GATAD2B: variants seen among roughly 807,000 people sequenced by gnomAD.
GATAD2B encodes GATA zinc finger domain containing 2B.
In GATAD2B, 8 loss-of-function variants were observed where a neutral mutation model predicts 64.3. The observed-to-expected ratio is 0.12, with a 90% confidence interval of 0.07 to 0.22. The LOEUF (loss-of-function observed/expected upper bound fraction) is 0.22, where lower values mean the gene tolerates loss of function less well. GATAD2B is among the 10% of genes least tolerant of loss of function. The pLI, the probability that GATAD2B is intolerant of heterozygous loss-of-function variation, is 1.00. For missense variants in GATAD2B, 453 were observed against 752.0 expected (o/e 0.60, Z 4.65); for synonymous variants, 281 against 271.3 (o/e 1.04, Z -0.35).
At chr1:153,867,703 T>C (rs1291634740) in intron 1 of GATAD2B, among the ~76,000 whole-genome samples, 1 of 148,140 alleles carries the variant, frequency 6.8e-6, no homozygotes. Context: ...CTACTAAAAA[T>C]ATAAATACAA....
At position 153,853,108 on chromosome 1, in the gene GATAD2B, T is replaced by C. The variant is rs900437755; in HGVS notation, c.-1-24760A>G. ...CCTTTGGCATTGGCAACAACCTGAG[T>C]TGATGGCTGATTCAGAATAGGCAGT... On this transcript the variant is annotated intron_variant, in intron 1 of 10. Coordinates refer to ENST00000368655, the MANE Select transcript of GATAD2B (RefSeq NM_020699.4). 1.0e-5 allele frequency: 15 copies of C among 1,474,736 alleles called. 1 individual carries two copies. The highest frequency in any genetic ancestry group is 4.5e-5 in the South Asian group (4 of 88,280). The allele number at this position is 1,474,736 out of a possible 1,614,324, so 91.4% of individuals were successfully genotyped here. A position where few individuals can be genotyped will look rare whatever the true frequency, so the allele number is the denominator to read the frequency against.
intron 1 of GATAD2B, among the ~76,000 whole-genome samples, chr1:153,855,155 T>C (rs998019634): frequency 4.6e-5 from 7 of 152,166 alleles, no homozygotes; most frequent in Non-Finnish European, 7.3e-5. Flanking sequence ...TTGGTTATAA[T>C]GGTATTGTGG....
intron 1 of GATAD2B, among the ~76,000 whole-genome samples, chr1:153,865,332 G>T (rs887346257): frequency 6.6e-6 from 1 of 151,944 alleles, no homozygotes; most frequent in Non-Finnish European, 1.5e-5. Context: ...GTGGTAGCAC[G>T]TGCCTGTAGT....
chr1:153,864,331 CA>C (rs1283624387), intron 1 of GATAD2B, among the ~76,000 whole-genome samples: 1 of 151,976 alleles, frequency 6.6e-6, no homozygotes, highest in African/African-American at 2.4e-5. Context: ...AGCTAAGAAC[CA>C]AAAAAACAGT....
chr1:153,890,348 C>A (rs558162409), intron 1 of GATAD2B, among the ~76,000 whole-genome samples: 1 of 150,576 alleles, frequency 6.6e-6, no homozygotes, highest in East Asian at 2.0e-4. Context: ...ATTAGCCGGA[C>A]GTGGTGGCAC....
chr1:153,900,200 G>A (rs370743094), intron 1 of GATAD2B, among the ~76,000 whole-genome samples: 13 of 152,000 alleles, frequency 8.6e-5, no homozygotes, highest in African/African-American at 2.7e-4. Flanking sequence ...GGCGGATCAC[G>A]AGGTCAGGAA....
chr1:153,912,229 CAAAA>C (rs1462239637), intron 1 of GATAD2B, among the ~76,000 whole-genome samples: 1 of 152,072 alleles, frequency 6.6e-6, no homozygotes, highest in East Asian at 1.9e-4. Flanking sequence ...CATGAGTTCT[CAAAA>C]GAAATTGAAG....
chr1:153,810,892 T>C (rs1417551901), intron 10 of GATAD2B, among the ~76,000 whole-genome samples: 1 of 152,024 alleles, frequency 6.6e-6, no homozygotes, highest in African/African-American at 2.4e-5. Context: ...GCCTCCCGAG[T>C]AGCTGGGATT....
At chr1:153,883,244 TA>T (rs1677062699) in intron 1 of GATAD2B, among the ~76,000 whole-genome samples, 1 of 152,174 alleles carries the variant, frequency 6.6e-6, no homozygotes, top group South Asian at 2.1e-4. Context: ...TATTTCTAAA[TA>T]AAAGTTTTCC....
chr1:153,810,075 T>C lies in GATAD2B; in HGVS notation c.*102A>G. 1.7e-6 allele frequency: 2 copies of C among 1,143,960 alleles called. No homozygotes were observed. The highest frequency in any genetic ancestry group is 1.2e-6 in the Non-Finnish European group (1 of 811,280). The allele number at this position is 1,143,960 out of a possible 1,614,324, so 70.9% of individuals were successfully genotyped here. On this transcript the variant is annotated 3_prime_UTR_variant, in exon 11 of 11. Transcript: ENST00000368655. ...GTTTTTCTGTTTTGCTTTCCGTGTATGGTAGGCACCAGTACAGGCACTGCA... is the reference window on the plus strand; with the variant it reads ...GTTTTTCTGTTTTGCTTTCCGTGTACGGTAGGCACCAGTACAGGCACTGCA...
intron 1 of GATAD2B, among the ~76,000 whole-genome samples, chr1:153,840,767 T>C (rs1478232292): frequency 6.6e-6 from 1 of 152,216 alleles, no homozygotes; most frequent in East Asian, 1.9e-4. Context: ...CTGATTTGTC[T>C]CAAATGGTCA....
In GATAD2B at chr1:153,922,892, G is replaced by T; in HGVS notation, c.-161C>A. 6.5e-6 allele frequency: 1 copy of T among 153,124 alleles called. No homozygotes were observed. The highest frequency in any genetic ancestry group is 1.8e-4 in the South Asian group (1 of 5,676). 9.5% of individuals were successfully genotyped at this position (153,124 alleles called of 1,614,324 possible). A position where few individuals can be genotyped will look rare whatever the true frequency, so the allele number is the denominator to read the frequency against. On this transcript the variant is annotated 5_prime_UTR_variant, in exon 1 of 11. Transcript: ENST00000368655. ...CGGGCCGGACCGGGGCGGGCGGGCG[G>T]AGCAGACACTGCGGTACAGACGGGG...
chr1:153,892,672 C>T (rs1677452816), intron 1 of GATAD2B, among the ~76,000 whole-genome samples: 1 of 150,468 alleles, frequency 6.6e-6, no homozygotes, highest in Non-Finnish European at 1.5e-5. Context: ...TAGACAGTAT[C>T]CAGTAGACTT....
chr1:153,905,371 G>A (rs115477857), intron 1 of GATAD2B, among the ~76,000 whole-genome samples: 3,045 of 150,684 alleles, frequency 0.02, 113 homozygotes, highest in African/African-American at 0.071. Flanking sequence ...AGCCTGACTC[G>A]GTCTCAAAAA....
chr1:153,817,913 A>G, intron 5 of GATAD2B, 127 bp downstream of exon 5: 3 of 778,808 alleles, frequency 3.9e-6, no homozygotes, highest in Non-Finnish European at 6.1e-6. Flanking sequence ...ATGGGCCAAC[A>G]GAACAATCAG....
intron 3 of GATAD2B, 76 bp downstream of exon 3, chr1:153,819,530 A>G: frequency 1.9e-6 from 2 of 1,070,414 alleles, no homozygotes; most frequent in Non-Finnish European, 2.7e-6. Flanking sequence ...GTCAAAAAAC[A>G]GAACTAAATC....
chr1:153,888,290 T>C (rs558724875), intron 1 of GATAD2B, among the ~76,000 whole-genome samples: 1 of 152,070 alleles, frequency 6.6e-6, no homozygotes, highest in South Asian at 2.1e-4. Flanking sequence ...ACCATGAAAA[T>C]CATATGGAGC....
Position 153,807,497 on chromosome 1 carries a change from A to G in GATAD2B, c.*2680T>C, listed in dbSNP as rs919368001. On this transcript the variant is annotated 3_prime_UTR_variant, in exon 11 of 11. Coordinates refer to ENST00000368655, the MANE Select transcript of GATAD2B (RefSeq NM_020699.4). ...ATGAAAATGGGGAGAAGAAAGGGTAAGAAATCAAACCTCAGCGGTTGAACA... is the reference window on the plus strand; with the variant it reads ...ATGAAAATGGGGAGAAGAAAGGGTAGGAAATCAAACCTCAGCGGTTGAACA... 9 of 152,264 alleles carry G rather than the reference A, an allele frequency of 5.9e-5. No individual in the cohort carries two copies. Among genetic ancestry groups the G allele is most frequent in the African/African-American group, 2.2e-4 (9 of 41,446 alleles). 9.4% of individuals were successfully genotyped at this position (152,264 alleles called of 1,614,324 possible).
At chr1:153,829,693 G>A (rs556444579) in intron 1 of GATAD2B, among the ~76,000 whole-genome samples, 26 of 152,168 alleles carry the variant, frequency 1.7e-4, no homozygotes, top group African/African-American at 5.5e-4. Flanking sequence ...CTGAGATCTC[G>A]CCACTGCACT....
Sources: allele counts gnomAD v4.1 joint callset (sites outside exome capture counted in the v4.1 genomes callset), GRCh38; gene constraint gnomAD v4.1.1; transcripts MANE v1.5; gene names NCBI Gene and HGNC (gene_info 2026-07-23, HGNC 2026-07-21).